The following ZNF804A variants were observed in gnomAD, a reference collection of about 807,000 sequenced individuals.
The protein encoded by ZNF804A is zinc finger protein 804A.
ZNF804A carries 2 observed loss-of-function variants against 16.5 expected under a neutral mutation model. The observed-to-expected ratio is 0.12, with a 90% confidence interval of 0.05 to 0.38. ZNF804A has a LOEUF of 0.38. Among genes scored for constraint, ZNF804A ranks in the 10% least tolerant of loss-of-function variants. The probability of loss-of-function intolerance (pLI) is 0.99; values close to 1 mark genes in which losing one functional copy is unlikely to be tolerated. For missense variants in ZNF804A, 1,473 were observed against 1,390.7 expected, an observed-to-expected ratio of 1.06 and a Z score of -0.94; for synonymous variants, 534 against 489.6, an observed-to-expected ratio of 1.09 and a Z score of -1.20.
intron 1 of ZNF804A, among the ~76,000 whole-genome samples, chr2:184,679,037 A>G (rs1692488001): frequency 1.3e-5 from 2 of 152,238 alleles, no homozygotes; most frequent in African/African-American, 4.8e-5. Context: ...TAAAAAAATA[A>G]AAGAAACATG....
At chr2:184,656,319 C>T (rs1692073533) in intron 1 of ZNF804A, among the ~76,000 whole-genome samples, 1 of 152,074 alleles carries the variant, frequency 6.6e-6, no homozygotes, top group Non-Finnish European at 1.5e-5. Flanking sequence ...AATACTTTCC[C>T]TACTAAATTT....
chr2:184,772,128 T>C (rs979013193), intron 1 of ZNF804A, among the ~76,000 whole-genome samples: 34 of 152,046 alleles, frequency 2.2e-4, no homozygotes, highest in African/African-American at 7.9e-4. Context: ...AAATATAAGA[T>C]ACTGCAGTTA....
intron 2 of ZNF804A, among the ~76,000 whole-genome samples, chr2:184,868,867 CA>C (rs939965030): frequency 2.6e-5 from 4 of 151,276 alleles, no homozygotes; most frequent in Non-Finnish European, 3.0e-5. Context: ...TACCTGCAAC[CA>C]AAAAAAACTC....
intron 2 of ZNF804A, among the ~76,000 whole-genome samples, chr2:184,888,456 T>A (rs1375154270): frequency 5.3e-5 from 8 of 152,194 alleles, no homozygotes; most frequent in Non-Finnish European, 2.9e-5. Flanking sequence ...TTGGCTCCAC[T>A]AAAGCATCCA....
chr2:184,807,900 T>C (rs1157510673), intron 1 of ZNF804A, among the ~76,000 whole-genome samples: 1 of 151,750 alleles, frequency 6.6e-6, no homozygotes, highest in Admixed American at 6.6e-5. Flanking sequence ...AATAGACTTG[T>C]ATCCAATATT....
Position 184,717,202 on chromosome 2 carries a change from G to A in ZNF804A, c.111+118132G>A, listed in dbSNP as rs375376170. Reference sequence around the variant, plus strand: ...TGCTTCTTAAAATTAGTTTTTGTACGTCTCTCTCTCATGATCCTTCTTGTG... The same window carrying A: ...TGCTTCTTAAAATTAGTTTTTGTACATCTCTCTCTCATGATCCTTCTTGTG... On this transcript the variant is annotated intron_variant, in intron 1 of 3. Transcript: ENST00000302277. Among the ~76,000 whole-genome samples the A allele has an allele frequency of 1.4e-3, 214 of 152,152 alleles. 2 individuals are homozygous for A. The South Asian group carries it at 0.016, about 11-fold the overall frequency.
At chr2:184,828,460 T>C (rs1558974364) in intron 1 of ZNF804A, among the ~76,000 whole-genome samples, 2 of 151,830 alleles carry the variant, frequency 1.3e-5, no homozygotes, top group Non-Finnish European at 3.0e-5. Context: ...ATGGTCACAA[T>C]TGTAAATACA....
At chr2:184,751,977 A>G (rs1015026667) in intron 1 of ZNF804A, among the ~76,000 whole-genome samples, 2 of 151,718 alleles carry the variant, frequency 1.3e-5, no homozygotes. Flanking sequence ...AAATCAAAAC[A>G]CAAGAGATGT....
intron 1 of ZNF804A, among the ~76,000 whole-genome samples, chr2:184,744,442 G>C (rs1693757354): frequency 6.6e-6 from 1 of 151,754 alleles, no homozygotes. Flanking sequence ...CTCATGAACA[G>C]GATTAGTGCC....
At chr2:184,887,565 T>C (rs995179314) in intron 2 of ZNF804A, among the ~76,000 whole-genome samples, 1 of 152,214 alleles carries the variant, frequency 6.6e-6, no homozygotes, top group African/African-American at 2.4e-5. Context: ...GGACTTACAG[T>C]TCCAAATAGC....
intron 1 of ZNF804A, among the ~76,000 whole-genome samples, chr2:184,641,004 G>T (rs1350555098): frequency 1.3e-5 from 2 of 152,024 alleles, no homozygotes; most frequent in East Asian, 3.9e-4. Context: ...GCTCAGGCTG[G>T]AGTGCGGTGG....
chr2:184,620,542 G>A (rs1691400930), intron 1 of ZNF804A, among the ~76,000 whole-genome samples: 1 of 151,696 alleles, frequency 6.6e-6, no homozygotes, highest in Non-Finnish European at 1.5e-5. Context: ...GAATTAAACA[G>A]GGTAGTAACA....
chr2:184,600,124 G>A (rs562875436), intron 1 of ZNF804A, among the ~76,000 whole-genome samples: 9 of 152,272 alleles, frequency 5.9e-5, no homozygotes, highest in African/African-American at 2.2e-4. Flanking sequence ...GAGGAGAGTA[G>A]AAGTTTAAGG....
chr2:184,598,853 C>G lies in ZNF804A; in HGVS notation c.-107C>G. ...GGACGTGCCGGGGGTGGCTGCGTGC[C>G]CTCGTGGCGGGTTCCCAGCCCACCG... On this transcript the variant is annotated 5_prime_UTR_variant, in exon 1 of 4. Coordinates refer to ENST00000302277, the MANE Select transcript of ZNF804A (RefSeq NM_194250.2). The G allele has an allele frequency of 1.8e-6, 1 of 564,992 alleles. No individual in the cohort carries two copies. Among genetic ancestry groups the G allele is most frequent in the South Asian group, 3.2e-5 (1 of 31,158 alleles). The allele number at this position is 564,992 out of a possible 1,614,324, so 35.0% of individuals were successfully genotyped here.
chr2:184,696,767 A>G (rs1692837287), intron 1 of ZNF804A, among the ~76,000 whole-genome samples: 1 of 152,068 alleles, frequency 6.6e-6, no homozygotes, highest in Non-Finnish European at 1.5e-5. Flanking sequence ...TTCATTCCTT[A>G]TTCCTGTGTT....
At chr2:184,713,333 C>T (rs1693159760) in intron 1 of ZNF804A, among the ~76,000 whole-genome samples, 1 of 151,782 alleles carries the variant, frequency 6.6e-6, no homozygotes, top group Admixed American at 6.6e-5. Flanking sequence ...GCACCTAGTT[C>T]CCTCTGTTAT....
intron 1 of ZNF804A, among the ~76,000 whole-genome samples, chr2:184,760,939 C>T (rs2105763227): frequency 6.6e-6 from 1 of 152,230 alleles, no homozygotes; most frequent in Middle Eastern, 3.4e-3. Flanking sequence ...CCGGCTGGCA[C>T]ATGGCATATC....
chr2:184,804,002 A>G (rs1026270695), intron 1 of ZNF804A, among the ~76,000 whole-genome samples: 1 of 152,000 alleles, frequency 6.6e-6, no homozygotes, highest in Non-Finnish European at 1.5e-5. Flanking sequence ...CTCTGGGATT[A>G]GAGGTGTGCG....
chr2:184,911,635 T>C (rs1313202004), intron 2 of ZNF804A, among the ~76,000 whole-genome samples: 1 of 151,362 alleles, frequency 6.6e-6, no homozygotes, highest in East Asian at 1.9e-4. Context: ...GTTTGTGTAA[T>C]CTGTGATTTA....
Sources: gnomAD v4.1 joint callset for allele counts (sites outside exome capture counted in the v4.1 genomes callset) on GRCh38, gnomAD v4.1.1 for gene constraint, MANE v1.5 for transcripts, NCBI Gene and HGNC (gene_info 2026-07-23, HGNC 2026-07-21) for gene names.